Variants in SRGAP2 observed in about 807,000 individuals in gnomAD.
The protein encoded by SRGAP2 is SLIT-ROBO Rho GTPase activating protein 2.
SRGAP2 carries 15 observed loss-of-function variants against 57.2 expected under a neutral mutation model. That is an observed-to-expected ratio of 0.26 (90% CI 0.18 to 0.40). The LOEUF (loss-of-function observed/expected upper bound fraction) is 0.40, where lower values mean the gene tolerates loss of function less well. Among genes scored for constraint, SRGAP2 ranks in the 10% least tolerant of loss-of-function variants. The pLI, the probability that SRGAP2 is intolerant of heterozygous loss-of-function variation, is 1.00. For synonymous variants in SRGAP2, 249 were observed against 248.0 expected, an observed-to-expected ratio of 1.00 and a Z score of -0.04; for missense variants, 520 against 669.6, an observed-to-expected ratio of 0.78 and a Z score of 2.47.
intron 11 of SRGAP2, among the ~76,000 whole-genome samples, chr1:206,416,508 C>T (rs958354688): frequency 5.3e-5 from 8 of 152,184 alleles, no homozygotes; most frequent in South Asian, 4.1e-4. Context: ...AGCCCTCTCT[C>T]GTGTGGCTAT....
At chr1:206,457,564 C>T (rs1458753492) in intron 21 of SRGAP2, among the ~76,000 whole-genome samples, 4 of 152,192 alleles carry the variant, frequency 2.6e-5, no homozygotes, top group Admixed American at 6.5e-5. Context: ...TTTTTCCACT[C>T]GAGAGCGGCT....
At chr1:206,229,931 T>TACACAC (rs66901207) in intron 2 of SRGAP2, among the ~76,000 whole-genome samples, 14,743 of 141,444 alleles carry the variant, frequency 0.1, 752 homozygotes, top group Admixed American at 0.13. Context: ...TACACATACA[T>TACACAC]ACACACACAC....
At chr1:206,220,784 T>C (rs1321926785) in intron 2 of SRGAP2, among the ~76,000 whole-genome samples, 4 of 152,148 alleles carry the variant, frequency 2.6e-5, no homozygotes, top group African/African-American at 7.2e-5. Context: ...AGGAGGCTAT[T>C]GATGAAACTT....
At chr1:206,277,072 C>T (rs1321607410) in intron 2 of SRGAP2, among the ~76,000 whole-genome samples, 8 of 151,800 alleles carry the variant, frequency 5.3e-5, no homozygotes, top group Non-Finnish European at 1.2e-4. Context: ...TCAAGAGATT[C>T]TCCTGCGTCA....
chr1:206,214,689 G>A (rs1666534207), intron 2 of SRGAP2: 2 of 151,650 alleles, frequency 1.3e-5, no homozygotes, highest in Admixed American at 1.3e-4. Context: ...CTACTTGGGA[G>A]GCTGAGGCAG....
intron 4 of SRGAP2, among the ~76,000 whole-genome samples, chr1:206,371,695 C>T (rs1553342664): frequency 1.4e-5 from 2 of 148,070 alleles, no homozygotes; most frequent in East Asian, 4.0e-4. Flanking sequence ...CATGCCACTA[C>T]ACTCCAGCCT....
intron 13 of SRGAP2, among the ~76,000 whole-genome samples, chr1:206,426,103 C>T (rs1660777118): frequency 6.6e-6 from 1 of 152,092 alleles, no homozygotes; most frequent in Admixed American, 6.6e-5. Context: ...TCACCTGGCC[C>T]AACCTCACTT....
At chr1:206,306,632 A>T (rs1335056179) in intron 3 of SRGAP2, among the ~76,000 whole-genome samples, 1 of 152,152 alleles carries the variant, frequency 6.6e-6, no homozygotes, top group Non-Finnish European at 1.5e-5. Flanking sequence ...TGATTGGTAG[A>T]GCCGAGTGGC....
intron 3 of SRGAP2, among the ~76,000 whole-genome samples, chr1:206,325,667 C>T (rs1203105999): frequency 2.0e-5 from 3 of 151,362 alleles, no homozygotes; most frequent in Non-Finnish European, 4.4e-5. Context: ...TTATTCTCTT[C>T]TACTGTTGCC....
intron 2 of SRGAP2, among the ~76,000 whole-genome samples, chr1:206,279,581 ATT>A (rs1165950488): frequency 0.51 from 42,924 of 84,398 alleles, 5,620 homozygotes; most frequent in East Asian, 0.66. Context: ...ACACCTGGCT[ATT>A]TTTTTTTTTT....
At chr1:206,259,627 A>T (rs1553313147) in intron 2 of SRGAP2, among the ~76,000 whole-genome samples, 1 of 148,606 alleles carries the variant, frequency 6.7e-6, no homozygotes, top group Non-Finnish European at 1.5e-5. Context: ...GTGAGCCAAC[A>T]TGTTTGCATT....
At chr1:206,449,432 C>T (rs1330471292) in intron 18 of SRGAP2, among the ~76,000 whole-genome samples, 3 of 148,942 alleles carry the variant, frequency 2.0e-5, no homozygotes, top group Admixed American at 6.7e-5. Flanking sequence ...GCTAGAACCA[C>T]AGCATGCACA....
intron 10 of SRGAP2, among the ~76,000 whole-genome samples, chr1:206,414,515 C>T (rs1285698699): frequency 6.6e-6 from 1 of 152,164 alleles, no homozygotes; most frequent in Admixed American, 6.5e-5. Context: ...CAGTAATTCA[C>T]GGATCACACT....
intron 10 of SRGAP2, among the ~76,000 whole-genome samples, 189 bp from the exon 11 acceptor site, chr1:206,415,700 T>C (rs561659405): frequency 1.6e-4 from 24 of 152,306 alleles, no homozygotes; most frequent in African/African-American, 5.3e-4. Flanking sequence ...GAGAAGGATA[T>C]TAATCCACCA....
chr1:206,237,302 A>T lies in SRGAP2; in HGVS notation c.67+31265A>T, dbSNP rs536336710. On this transcript the variant is annotated intron_variant, in intron 2 of 22. Coordinates refer to ENST00000573034, the MANE Select transcript of SRGAP2 (RefSeq NM_015326.5). ...GAGACCCTGTCTCAGAGGGGGGAAA[A>T]AAAAGTGAATGTACACGTATTCACA... Among the ~76,000 whole-genome samples the T allele has an allele frequency of 1.5e-4, 23 of 152,296 alleles. No individual in the cohort carries two copies. The East Asian group carries it at 3.5e-3, about 23-fold the overall frequency.
chr1:206,305,678 A>G (rs1461088154), intron 3 of SRGAP2, among the ~76,000 whole-genome samples: 1 of 150,688 alleles, frequency 6.6e-6, no homozygotes, highest in Non-Finnish European at 1.5e-5. Context: ...ATTGTGGAAT[A>G]AATAAATGAA....
intron 13 of SRGAP2, among the ~76,000 whole-genome samples, chr1:206,425,741 G>A (rs1485043871): frequency 6.6e-6 from 1 of 151,716 alleles, no homozygotes; most frequent in Non-Finnish European, 1.5e-5. Context: ...CGCCATGTTG[G>A]CCAGGCTGGT....
At chr1:206,361,292 A>C (rs1408921781) in intron 4 of SRGAP2, among the ~76,000 whole-genome samples, 1 of 147,132 alleles carries the variant, frequency 6.8e-6, no homozygotes, top group Admixed American at 6.8e-5. Context: ...TTCAGCTAAT[A>C]AGGAGAAGGA....
chr1:206,214,891 T>C (rs1666554007), intron 2 of SRGAP2: 1 of 151,900 alleles, frequency 6.6e-6, no homozygotes. Flanking sequence ...TGACCAGAAA[T>C]AACCCTTCTC....
Sources: allele counts gnomAD v4.1 joint callset (sites outside exome capture counted in the v4.1 genomes callset), GRCh38; gene constraint gnomAD v4.1.1; transcripts MANE v1.5; gene names NCBI Gene and HGNC (gene_info 2026-07-23, HGNC 2026-07-21).